The following ITGA11 variants were observed in gnomAD, a reference collection of about 807,000 sequenced individuals.
ITGA11 encodes the protein integrin subunit alpha 11, also known as integrin alpha-11.
A neutral mutation model predicts 141.9 loss-of-function variants in ITGA11; 97 were observed. That is an observed-to-expected ratio of 0.68 (90% CI 0.58 to 0.81). The LOEUF (loss-of-function observed/expected upper bound fraction) is 0.81. Among genes scored for constraint, ITGA11 ranks in the 30% least tolerant of loss-of-function variants. The pLI, the probability that ITGA11 is intolerant of heterozygous loss-of-function variation, is 0.00. For missense variants in ITGA11, 1,387 were observed against 1,559.2 expected, an observed-to-expected ratio of 0.89 and a Z score of 1.86; for synonymous variants, 658 against 624.6, an observed-to-expected ratio of 1.05 and a Z score of -0.80.
intron 2 of ITGA11, among the ~76,000 whole-genome samples, chr15:68,388,827 C>A (rs1896048917): frequency 6.6e-6 from 1 of 152,114 alleles, no homozygotes; most frequent in Admixed American, 6.6e-5. Flanking sequence ...CTCTGGTGAG[C>A]CACTCTCCTG....
At chr15:68,399,379 G>A (rs1306813862) in intron 2 of ITGA11, among the ~76,000 whole-genome samples, 1 of 152,032 alleles carries the variant, frequency 6.6e-6, no homozygotes. Context: ...GGTGGGAATG[G>A]TAATTAGTTC....
intron 5 of ITGA11, among the ~76,000 whole-genome samples, chr15:68,358,873 C>T (rs549153513): frequency 1.7e-4 from 26 of 152,336 alleles, no homozygotes; most frequent in South Asian, 1.2e-3. Context: ...CCAACGCTTC[C>T]GAGGCAGCCA....
chr15:68,408,177 G>A (rs1180567512), intron 1 of ITGA11, among the ~76,000 whole-genome samples: 1 of 152,090 alleles, frequency 6.6e-6, no homozygotes, highest in African/African-American at 2.4e-5. Flanking sequence ...CATTTCCTCT[G>A]CCTGAGCCTC....
At chr15:68,382,407 G>A (rs1895885222) in intron 2 of ITGA11, among the ~76,000 whole-genome samples, 1 of 152,128 alleles carries the variant, frequency 6.6e-6, no homozygotes, top group South Asian at 2.1e-4. Flanking sequence ...AACTTTGCAA[G>A]GAAAATTAAA....
intron 2 of ITGA11, among the ~76,000 whole-genome samples, chr15:68,394,069 A>G (rs1896177416): frequency 6.6e-6 from 1 of 152,222 alleles, no homozygotes; most frequent in Non-Finnish European, 1.5e-5. Context: ...GAGACCATTC[A>G]AGACTACTAT....
intron 1 of ITGA11, among the ~76,000 whole-genome samples, chr15:68,429,377 T>C (rs1184310367): frequency 2.0e-5 from 3 of 152,266 alleles, no homozygotes; most frequent in Admixed American, 2.0e-4. Context: ...GCAAAGATTA[T>C]GCTTCTAAGA....
intron 2 of ITGA11, among the ~76,000 whole-genome samples, chr15:68,383,282 A>G (rs968585320): frequency 6.6e-6 from 1 of 152,018 alleles, no homozygotes; most frequent in African/African-American, 2.4e-5. Flanking sequence ...AAAAAAAGAA[A>G]AAAAAAAAAA....
intron 2 of ITGA11, among the ~76,000 whole-genome samples, chr15:68,377,315 C>T (rs1841405): frequency 1.3e-5 from 2 of 152,120 alleles, no homozygotes; most frequent in East Asian, 3.9e-4. Context: ...TCTGTTGCCC[C>T]GGCTGGAGTG....
intron 9 of ITGA11, 25 bp downstream of exon 9, chr15:68,350,592 T>A (rs897525538): frequency 1.2e-6 from 2 of 1,603,300 alleles, no homozygotes; most frequent in Admixed American, 3.4e-5. Flanking sequence ...AGAGAGTGGA[T>A]CCCCTCTTAG....
chr15:68,323,963 T>C (rs900100000), intron 18 of ITGA11, among the ~76,000 whole-genome samples: 1 of 152,230 alleles, frequency 6.6e-6, no homozygotes, highest in East Asian at 1.9e-4. Flanking sequence ...TAATCTGCAC[T>C]GTGGGCTTCA....
chr15:68,431,454 C>G (rs568400283), intron 1 of ITGA11, among the ~76,000 whole-genome samples: 82 of 152,354 alleles, frequency 5.4e-4, no homozygotes, highest in African/African-American at 1.9e-3. Flanking sequence ...CCCCGCCTAC[C>G]GGCCATCGCC....
intron 7 of ITGA11, among the ~76,000 whole-genome samples, chr15:68,355,641 C>G (rs1350733): frequency 0.16 from 24,644 of 151,832 alleles, 2,511 homozygotes; most frequent in Non-Finnish European, 0.23. Context: ...GAGATGAGGT[C>G]TCATGCTTCT....
At position 68,303,702 on chromosome 15, in the gene ITGA11, G is replaced by T; in HGVS notation, c.3495+70C>A. 3 of 1,121,324 alleles carry T rather than the reference G, an allele frequency of 2.7e-6. No homozygotes were observed. Among genetic ancestry groups the T allele is most frequent in the Non-Finnish European group, 3.9e-6 (3 of 759,638 alleles). 69.5% of individuals were successfully genotyped at this position (1,121,324 alleles called of 1,614,324 possible). ...AGGAGAACGTGGCAGCGGCCACGAA[G>T]TTCCAGGGGCTGGAGCCTGGGCCCA... On this transcript the variant is annotated intron_variant, in intron 29 of 29. Transcript: ENST00000315757. This position sits in a 1 kb window ranked among gnomAD's most constrained non-coding sequence, Gnocchi z 5.3.
chr15:68,351,370 C>G lies in ITGA11; in HGVS notation c.782G>C (p.Gly261Ala), dbSNP rs569690836. ...GATGACAATCATCACCTTCTTGGCT[C>G]CTTTCCTTCCACCCTTCTGGAAAGC... ...SEAFQKGGRK[G>A]AKKVMIVITD... is the part of the protein sequence containing the mutation. Residue 261 changes from glycine to alanine, a missense_variant, in exon 8 of 30, where the codon GGA (glycine) becomes GCA (alanine). Transcript: ENST00000315757. 1 of 1,613,976 alleles carries G rather than the reference C, an allele frequency of 6.2e-7. No individual in the cohort carries two copies. Among genetic ancestry groups the G allele is most frequent in the African/African-American group, 1.3e-5 (1 of 75,050 alleles).
At position 68,380,467 on chromosome 15, in the gene ITGA11, C is replaced by A. The variant is rs1895832397; in HGVS notation, c.165-11183G>T. ...GAACATAAAGATGAATGAAGCACAG[C>A]CTAACCCCTAGCCCAGTGAGGGCAG... On this transcript the variant is annotated intron_variant, in intron 2 of 29. Transcript: ENST00000315757. 2.0e-5 allele frequency among the ~76,000 whole-genome samples: 3 copies of A among 152,146 alleles called. No homozygotes were observed. In the South Asian group the frequency reaches 6.2e-4, roughly 32 times the overall value.
intron 1 of ITGA11, among the ~76,000 whole-genome samples, chr15:68,421,175 T>A: frequency 3.3e-4 from 3 of 9,132 alleles, no homozygotes; most frequent in East Asian, 2.5e-3. Context: ...CTATCTGTGC[T>A]TGGAGGAGCT....
chr15:68,373,765 G>A (rs2140366719), intron 2 of ITGA11, among the ~76,000 whole-genome samples: 1 of 152,338 alleles, frequency 6.6e-6, no homozygotes, highest in South Asian at 2.1e-4. Flanking sequence ...GCTGTAGTGA[G>A]TGAATGCAAG....
chr15:68,305,168 T>C lies in ITGA11; in HGVS notation c.3382-1283A>G, dbSNP rs2140261773. Among the ~76,000 whole-genome samples the C allele has an allele frequency of 6.6e-6, 1 of 152,368 alleles. No individual in the cohort carries two copies. The highest frequency in any genetic ancestry group is 2.1e-4 in the South Asian group (1 of 4,826). ...GCTTTCAGCCACCTGGCCTCCAGCA[T>C]GCATGCCATGGCGTGCCTGCTGTAG... On this transcript the variant is annotated intron_variant, in intron 28 of 29. Coordinates refer to ENST00000315757, the MANE Select transcript of ITGA11 (RefSeq NM_001004439.2). This position sits in a 1 kb window ranked among gnomAD's most constrained non-coding sequence, Gnocchi z 4.6.
At chr15:68,345,965 GGTTTTT>G (rs3084605) in intron 10 of ITGA11, among the ~76,000 whole-genome samples, 6,657 of 152,218 alleles carry the variant, frequency 0.044, 441 homozygotes, top group African/African-American at 0.15. Context: ...GCATTTGAAA[GGTTTTT>G]GTTTTTGTTT....
Sources: gnomAD v4.1 joint callset for allele counts (sites outside exome capture counted in the v4.1 genomes callset) on GRCh38, gnomAD v4.1.1 for gene constraint, Gnocchi (gnomAD v3.1) non-coding constraint, MANE v1.5 for transcripts, NCBI Gene and HGNC (gene_info 2026-07-23, HGNC 2026-07-21) for gene names.